Variants in MYO3A observed in about 807,000 individuals in gnomAD.
The protein encoded by MYO3A is myosin-IIIa.
A neutral mutation model predicts 192.7 loss-of-function variants in MYO3A; 180 were observed. The observed-to-expected ratio is 0.93, with a 90% CI of 0.83 to 1.06. MYO3A has a LOEUF of 1.06. Among genes scored for constraint, MYO3A ranks in the 50% least tolerant of loss-of-function variants. The probability of loss-of-function intolerance (pLI) is 0.00; values close to 1 mark genes in which losing one functional copy is unlikely to be tolerated. For missense variants in MYO3A, 1,896 were observed against 1,905.0 expected, an observed-to-expected ratio of 1.00 and a Z score of 0.09; for synonymous variants, 628 against 645.3, an observed-to-expected ratio of 0.97 and a Z score of 0.41.
intron 14 of MYO3A, among the ~76,000 whole-genome samples, chr10:26,082,488 G>A (rs1364557826): frequency 6.6e-6 from 1 of 151,950 alleles, no homozygotes; most frequent in Non-Finnish European, 1.5e-5. Context: ...GGGATATTTG[G>A]GGCTTTTTAC....
rs148793254 is a variant in MYO3A, at chr10:26,173,561, T to C, written c.3399-102T>C. 973 of 1,075,296 alleles carry C rather than the reference T, an allele frequency of 9.0e-4. 10 individuals carry two copies. In the African/African-American group the frequency reaches 0.014, roughly 16 times the overall value. 66.6% of individuals were successfully genotyped at this position (1,075,296 alleles called of 1,614,324 possible). On this transcript the variant is annotated intron_variant, in intron 29 of 34. Transcript: ENST00000642920. ...TTTAATTTTGAGCTTTCTTTGTTCC[T>C]TTTGCCTTTCTCCCACCGGTATCTA...
intron 17 of MYO3A, among the ~76,000 whole-genome samples, chr10:26,108,613 G>C (rs1438347250): frequency 6.6e-6 from 1 of 152,118 alleles, no homozygotes; most frequent in Non-Finnish European, 1.5e-5. Context: ...TTAGTTCCAT[G>C]ATCATCTGCT....
chr10:26,153,837 T>C lies in MYO3A; in HGVS notation c.2636-13T>C. On this transcript the variant is annotated splice_polypyrimidine_tract_variant and intron_variant, in intron 23 of 34. Coordinates refer to ENST00000642920, the MANE Select transcript of MYO3A (RefSeq NM_017433.5). ...TTCTAAAAGGTATATTACATTTTTCTACATTCTCATAGGTAATCTGCCACA... is the reference window on the plus strand; with the variant it reads ...TTCTAAAAGGTATATTACATTTTTCCACATTCTCATAGGTAATCTGCCACA... 2 of 1,508,962 alleles carry C rather than the reference T, an allele frequency of 1.3e-6. No homozygotes were observed. The highest frequency in any genetic ancestry group is 1.8e-6 in the Non-Finnish European group (2 of 1,085,050). The allele number at this position is 1,508,962 out of a possible 1,614,324, so 93.5% of individuals were successfully genotyped here.
At chr10:26,202,861 C>G in intron 33 of MYO3A, 103 bp from the exon 34 acceptor site, 1 of 1,300,750 alleles carries the variant, frequency 7.7e-7, no homozygotes, top group African/African-American at 1.5e-5. Flanking sequence ...GTATGTTACT[C>G]TAAATTATAG....
rs374226960 is a variant in MYO3A, at chr10:26,166,153, A to G, written c.3086A>G (p.Asp1029Gly). ...CATILEKAGLDNWALGKTKVF... is the reference protein window; with the variant it reads ...CATILEKAGLGNWALGKTKVF... ...ACCATTTTGGAAAAAGCTGGTCTCG[A>G]TAACTGGGCTCTTGGAAAAACAAAA... Residue 1029 changes from aspartate (D) to glycine (G), a missense_variant, in exon 27 of 35, where the codon GAT (aspartate) becomes GGT (glycine). Coordinates refer to ENST00000642920, the MANE Select transcript of MYO3A (RefSeq NM_017433.5). 52 of 1,613,768 alleles carry G rather than the reference A, an allele frequency of 3.2e-5. No homozygotes were observed. Among genetic ancestry groups the G allele is most frequent in the Non-Finnish European group, 4.2e-5 (50 of 1,179,928 alleles).
At chr10:26,085,528 G>A (rs2131491809) in intron 14 of MYO3A, among the ~76,000 whole-genome samples, 1 of 152,240 alleles carries the variant, frequency 6.6e-6, no homozygotes, top group East Asian at 1.9e-4. Context: ...TTGTTCAGGA[G>A]TACCTTGTTT....
chr10:25,966,674 A>G (rs970805221), intron 4 of MYO3A, among the ~76,000 whole-genome samples: 1 of 152,240 alleles, frequency 6.6e-6, no homozygotes, highest in Non-Finnish European at 1.5e-5. Flanking sequence ...CCCATGCAGC[A>G]AAAACTGCAA....
chr10:26,104,115 A>C (rs201503834), intron 17 of MYO3A, among the ~76,000 whole-genome samples: 2 of 36,970 alleles, frequency 5.4e-5, no homozygotes, highest in African/African-American at 1.7e-4. Context: ...TCTGATTTGC[A>C]AAAAAAAAAA....
intron 6 of MYO3A, among the ~76,000 whole-genome samples, chr10:25,998,786 G>A (rs1272519383): frequency 2.0e-5 from 3 of 152,044 alleles, no homozygotes; most frequent in Non-Finnish European, 4.4e-5. Flanking sequence ...GAAAAATTTG[G>A]TAAACCAGAA....
chr10:26,180,403 C>T (rs1407914951), intron 31 of MYO3A, among the ~76,000 whole-genome samples: 3 of 152,136 alleles, frequency 2.0e-5, no homozygotes, highest in Non-Finnish European at 2.9e-5. Flanking sequence ...TCATCTACCT[C>T]ATAATTAACT....
chr10:26,185,301 A>G (rs1022178788), intron 31 of MYO3A, among the ~76,000 whole-genome samples: 1 of 149,788 alleles, frequency 6.7e-6, no homozygotes, highest in Non-Finnish European at 1.5e-5. Flanking sequence ...TTTTACATCA[A>G]TGCTACCATA....
Position 25,990,889 on chromosome 10 carries a change from C to A in MYO3A, c.304-5601C>A, listed in dbSNP as rs1270390707. On this transcript the variant is annotated intron_variant, in intron 4 of 34. Transcript: ENST00000642920. Reference sequence around the variant, plus strand: ...AGTATTCCATGCTGTATATGTGCCACATTTTCTTAATCCAGTCTATCATTG... The same window carrying A: ...AGTATTCCATGCTGTATATGTGCCAAATTTTCTTAATCCAGTCTATCATTG... Among the ~76,000 whole-genome samples the A allele has an allele frequency of 2.6e-5, 4 of 152,074 alleles. No individual in the cohort carries two copies. In the East Asian group the frequency reaches 5.8e-4, roughly 22 times the overall value.
chr10:25,965,991 C>G (rs1053817901), intron 4 of MYO3A, among the ~76,000 whole-genome samples: 10 of 151,292 alleles, frequency 6.6e-5, no homozygotes, highest in Non-Finnish European at 1.0e-4. Context: ...TCAGTGCCTC[C>G]TTCAGCAATA....
intron 4 of MYO3A, among the ~76,000 whole-genome samples, chr10:25,964,315 C>T (rs1838129611): frequency 6.6e-6 from 1 of 152,078 alleles, no homozygotes; most frequent in South Asian, 2.1e-4. Context: ...TACAAAAGCA[C>T]ACATTAGAAA....
intron 12 of MYO3A, 139 bp from the exon 13 acceptor site, chr10:26,069,972 G>A (rs1835096793): frequency 1.6e-6 from 1 of 643,364 alleles, no homozygotes; most frequent in Non-Finnish European, 2.7e-6. Flanking sequence ...TGTGTAACAT[G>A]TATGTAATAA....
At chr10:26,053,688 G>A (rs1445227869) in intron 10 of MYO3A, among the ~76,000 whole-genome samples, 1 of 152,070 alleles carries the variant, frequency 6.6e-6, no homozygotes, top group Non-Finnish European at 1.5e-5. Flanking sequence ...AGCCAAGTGT[G>A]GTGGTGTGTG....
intron 17 of MYO3A, 128 bp from the exon 18 acceptor site, chr10:26,120,548 C>A (rs944491344): frequency 8.2e-7 from 1 of 1,216,400 alleles, no homozygotes; most frequent in Non-Finnish European, 1.2e-6. Flanking sequence ...CTCAGTGTGG[C>A]GTCATCATAG....
At chr10:26,004,515 T>C (rs1841057890) in intron 6 of MYO3A, among the ~76,000 whole-genome samples, 1 of 152,050 alleles carries the variant, frequency 6.6e-6, no homozygotes, top group African/African-American at 2.4e-5. Flanking sequence ...ACCTAGCTAA[T>C]TCCACTAACA....
chr10:26,145,412 A>G (rs778501076), intron 21 of MYO3A, 34 bp from the exon 22 acceptor site: 11 of 1,402,518 alleles, frequency 7.8e-6, no homozygotes, highest in South Asian at 3.5e-5. Context: ...GATCTCATAC[A>G]TGCTTGATAT....
Sources: gnomAD v4.1 joint callset for allele counts (sites outside exome capture counted in the v4.1 genomes callset) on GRCh38, gnomAD v4.1.1 for gene constraint, MANE v1.5 for transcripts, NCBI Gene and HGNC (gene_info 2026-07-23, HGNC 2026-07-21) for gene names.